Variants in NRXN1 observed in about 807,000 individuals in gnomAD.
NRXN1 encodes neurexin 1.
In NRXN1, 39 loss-of-function variants were observed where a neutral mutation model predicts 150.9. The ratio of observed to expected loss-of-function variants is 0.26; its 90% CI spans 0.20 to 0.34. The LOEUF (loss-of-function observed/expected upper bound fraction) is 0.34. Among genes scored for constraint, NRXN1 ranks in the 10% least tolerant of loss-of-function variants. NRXN1 has a pLI of 1.00. For missense variants in NRXN1, 1,815 were observed against 1,949.9 expected (o/e 0.93, Z 1.30); for synonymous variants, 924 against 757.0 (o/e 1.22, Z -3.62).
At chr2:50,757,349 A>C (rs2105360998) in intron 5 of NRXN1, among the ~76,000 whole-genome samples, 1 of 151,934 alleles carries the variant, frequency 6.6e-6, no homozygotes, top group South Asian at 2.1e-4. Flanking sequence ...TGCAGGAGGA[A>C]GAAGAGAGCA....
rs527603044 is a variant in NRXN1 at position 50,812,586 on chromosome 2, A to G, written c.832+109283T>C. ...TCATGTGTGTGTATACATGACTATA[A>G]TTCACAATTTAATTTGGGTAGATAA... is the stretch of plus-strand genomic sequence containing the variant. On this transcript the variant is annotated intron_variant, in intron 5 of 22. Coordinates refer to ENST00000401669, the MANE Select transcript of NRXN1 (RefSeq NM_001330078.2). Among the ~76,000 whole-genome samples, 8 of 152,144 alleles carry G rather than the reference A, an allele frequency of 5.3e-5. No homozygotes were observed. In the South Asian group the frequency reaches 1.4e-3, roughly 28 times the overall value.
intron 22 of NRXN1, among the ~76,000 whole-genome samples, chr2:49,938,044 C>T (rs987263067): frequency 9.2e-5 from 14 of 151,994 alleles, no homozygotes; most frequent in African/African-American, 3.4e-4. Flanking sequence ...ATGGTAATTG[C>T]AACAAATTTA....
Position 50,346,803 on chromosome 2 carries a change from C to G in NRXN1, c.3365-109833G>C. ...GGTGCGCTCCCAAACTGGATGCCCC[C>G]CACGCCACTCCTAGGAGGCCGCTGA... On this transcript the variant is annotated intron_variant, in intron 17 of 22. Coordinates refer to ENST00000401669, the MANE Select transcript of NRXN1 (RefSeq NM_001330078.2). This position sits in a 1 kb window ranked among gnomAD's most constrained non-coding sequence, Gnocchi z 5.0. The G allele has an allele frequency of 6.2e-7, 1 of 1,613,326 alleles. No individual in the cohort carries two copies. Among genetic ancestry groups the G allele is most frequent in the Non-Finnish European group, 8.5e-7 (1 of 1,179,842 alleles).
intron 17 of NRXN1, among the ~76,000 whole-genome samples, chr2:50,247,916 A>T (rs1252662429): frequency 6.6e-6 from 1 of 152,188 alleles, no homozygotes; most frequent in Non-Finnish European, 1.5e-5. Flanking sequence ...TGAAGACACA[A>T]GAAGGCTCTT....
chr2:50,396,587 C>T (rs974256656), intron 17 of NRXN1, among the ~76,000 whole-genome samples: 3 of 152,062 alleles, frequency 2.0e-5, no homozygotes, highest in African/African-American at 7.2e-5. Flanking sequence ...AAAACGAGAA[C>T]TTCTTTTTGG....
At chr2:50,782,947 A>G (rs1317446881) in intron 5 of NRXN1, among the ~76,000 whole-genome samples, 1 of 152,180 alleles carries the variant, frequency 6.6e-6, no homozygotes, top group Non-Finnish European at 1.5e-5. Flanking sequence ...AAACTAACTC[A>G]TAGCATTTTT....
At chr2:49,931,233 A>G (rs1670072375) in intron 22 of NRXN1, among the ~76,000 whole-genome samples, 1 of 152,102 alleles carries the variant, frequency 6.6e-6, no homozygotes, top group Non-Finnish European at 1.5e-5. Context: ...CTAACCCTCA[A>G]CCTTTGTAAT....
intron 14 of NRXN1, among the ~76,000 whole-genome samples, chr2:50,496,562 C>G (rs534606650): frequency 1.3e-5 from 2 of 152,224 alleles, no homozygotes; most frequent in Admixed American, 1.3e-4. Flanking sequence ...TTCTAATTTA[C>G]CTGAAGAGTC....
At chr2:50,173,255 A>C (rs2060140249) in intron 18 of NRXN1, among the ~76,000 whole-genome samples, 1 of 152,188 alleles carries the variant, frequency 6.6e-6, no homozygotes, top group Admixed American at 6.5e-5. Flanking sequence ...GCAGACTATA[A>C]ACAAATAAAT....
chr2:50,034,170 C>A (rs144556157), intron 21 of NRXN1, among the ~76,000 whole-genome samples: 1 of 151,988 alleles, frequency 6.6e-6, no homozygotes, highest in Non-Finnish European at 1.5e-5. Flanking sequence ...ATAAATCATT[C>A]TATTACAAAG....
chr2:50,318,400 G>C (rs1216556083), intron 17 of NRXN1, among the ~76,000 whole-genome samples: 1 of 152,082 alleles, frequency 6.6e-6, no homozygotes, highest in Non-Finnish European at 1.5e-5. Flanking sequence ...TGTGCATCCT[G>C]TATGCATTAT....
At chr2:50,566,143 T>C (rs1385174588) in intron 8 of NRXN1, among the ~76,000 whole-genome samples, 3 of 152,176 alleles carry the variant, frequency 2.0e-5, no homozygotes, top group African/African-American at 7.2e-5. Flanking sequence ...TCTATTTCGG[T>C]TGTATGTTGA....
chr2:50,580,335 G>T (rs2103639509), intron 8 of NRXN1, among the ~76,000 whole-genome samples: 1 of 152,150 alleles, frequency 6.6e-6, no homozygotes. Flanking sequence ...CATAAACAAA[G>T]CTAGCTGAAA....
In NRXN1 at chr2:50,637,577, T is replaced by A. The variant is rs1322968932; in HGVS notation, c.833-13962A>T. The A allele has an allele frequency of 2.0e-5, 3 of 152,354 alleles. 1 individual carries two copies. The East Asian group carries it at 5.8e-4, about 29-fold the overall frequency. The allele number at this position is 152,354 out of a possible 1,614,324, so 9.4% of individuals were successfully genotyped here. On this transcript the variant is annotated intron_variant, in intron 5 of 22. Transcript: ENST00000401669. ...TTCTTGGAGAGGAAGATACTCTGGG[T>A]AAACCCAAACTCTTGAACTCACAGT...
At chr2:50,726,570 A>G (rs528727842) in intron 5 of NRXN1, among the ~76,000 whole-genome samples, 1 of 152,328 alleles carries the variant, frequency 6.6e-6, no homozygotes, top group East Asian at 1.9e-4. Flanking sequence ...TGTGACCCTA[A>G]AAAACAGGTG....
In NRXN1 at chr2:50,596,838, G is replaced by C. The variant is rs182921636; in HGVS notation, c.1320+23184C>G. Among the ~76,000 whole-genome samples the C allele has an allele frequency of 3.0e-4, 45 of 149,924 alleles. No homozygotes were observed. The East Asian group carries it at 7.9e-3, about 26-fold the overall frequency. ...TTTGGATTGCTCCTCAGGTGCCTAT[G>C]AGGAACGTGGGAAAATTCCTAGGAC... is the stretch of plus-strand genomic sequence containing the variant. On this transcript the variant is annotated intron_variant, in intron 8 of 22. Coordinates refer to ENST00000401669, the MANE Select transcript of NRXN1 (RefSeq NM_001330078.2).
chr2:50,357,897 C>T (rs761136842), intron 17 of NRXN1, among the ~76,000 whole-genome samples: 4 of 152,122 alleles, frequency 2.6e-5, no homozygotes, highest in Non-Finnish European at 5.9e-5. Flanking sequence ...CTCACTGGGA[C>T]TGGTTAGACA....
intron 17 of NRXN1, among the ~76,000 whole-genome samples, chr2:50,302,980 T>A (rs1339991928): frequency 6.6e-6 from 1 of 152,164 alleles, no homozygotes; most frequent in Non-Finnish European, 1.5e-5. Flanking sequence ...AACGCATACA[T>A]AGATACTTTA....
At chr2:50,172,902 G>A (rs535254582) in intron 18 of NRXN1, among the ~76,000 whole-genome samples, 1 of 152,174 alleles carries the variant, frequency 6.6e-6, no homozygotes, top group East Asian at 1.9e-4. Flanking sequence ...GGGAGGTGGA[G>A]GTTACAGTGA....
Sources: allele counts gnomAD v4.1 joint callset (sites outside exome capture counted in the v4.1 genomes callset), GRCh38; gene constraint gnomAD v4.1.1; non-coding constraint Gnocchi (gnomAD v3.1); transcripts MANE v1.5; gene names NCBI Gene and HGNC (gene_info 2026-07-23, HGNC 2026-07-21).